Variants in RAB33A observed in about 807,000 individuals in gnomAD.
RAB33A encodes the protein RAB33A, member RAS oncogene family.
A neutral mutation model predicts 12.0 loss-of-function variants in RAB33A; 6 were observed. The observed-to-expected ratio is 0.50, with a 90% CI of 0.27 to 0.99. The LOEUF (loss-of-function observed/expected upper bound fraction) is 0.99, where lower values mean the gene tolerates loss of function less well. RAB33A is among the 50% of genes least tolerant of loss of function. The pLI is 0.11. For missense variants in RAB33A, 109 were observed against 192.0 expected (o/e 0.57, Z 2.55); for synonymous variants, 70 against 82.4 (o/e 0.85, Z 0.81).
the RAB33A span, among the ~76,000 whole-genome samples, chrX:130,145,843 T>C: frequency 4.5e-5 from 5 of 111,800 alleles, no homozygotes; most frequent in South Asian, 1.9e-3. Flanking sequence ...GCTACTCATA[T>C]CCAGTGGGTA....
chrX:130,160,705 A>G, the RAB33A span, among the ~76,000 whole-genome samples: 1 of 111,137 alleles, frequency 9.0e-6, no homozygotes, highest in Non-Finnish European at 1.9e-5. Flanking sequence ...GGCATGCACC[A>G]TCGTGCCCGG....
chrX:130,168,830 G>T (rs2031573280), upstream of RAB33A, among the ~76,000 whole-genome samples: 1 of 111,042 alleles, frequency 9.0e-6, no homozygotes, highest in Admixed American at 9.6e-5. Context: ...ATATGGTCAG[G>T]CTCTGTGGCT....
chrX:130,146,928 G>A, the RAB33A span, among the ~76,000 whole-genome samples: 4 of 112,324 alleles, frequency 3.6e-5, no homozygotes, highest in African/African-American at 6.5e-5. Flanking sequence ...TTGGGAGGCC[G>A]AGGAAGGCGG....
chrX:130,127,078 AAGTC>A, the RAB33A span, among the ~76,000 whole-genome samples: 3 of 111,218 alleles, frequency 2.7e-5, no homozygotes, highest in South Asian at 7.4e-4. Context: ...TCCATATTAA[AAGTC>A]AGGCGGAAAG....
chrX:130,141,079 G>A, the RAB33A span, among the ~76,000 whole-genome samples: 1 of 112,311 alleles, frequency 8.9e-6, no homozygotes, highest in African/African-American at 3.2e-5. Flanking sequence ...TCATGCCACT[G>A]CACTCCAGCC....
the RAB33A span, among the ~76,000 whole-genome samples, chrX:130,151,646 T>G: frequency 8.9e-6 from 1 of 112,443 alleles, no homozygotes; most frequent in Non-Finnish European, 1.9e-5. Context: ...ATCGAATAAA[T>G]GAATTCAATT....
the RAB33A span, chrX:130,147,416 C>T: frequency 8.5e-7 from 1 of 1,170,159 alleles, no homozygotes; most frequent in Non-Finnish European, 1.2e-6. Context: ...TTACTGTACA[C>T]AGTCAGTGGC....
chrX:130,183,794 A>G (rs1027931490), intron 1 of RAB33A, among the ~76,000 whole-genome samples: 1 of 112,363 alleles, frequency 8.9e-6, no homozygotes, highest in Non-Finnish European at 1.9e-5. Flanking sequence ...AACAATCTTA[A>G]GAAAAACTTG....
chrX:130,130,850 A>C, the RAB33A span, among the ~76,000 whole-genome samples: 1 of 112,289 alleles, frequency 8.9e-6, no homozygotes, highest in Admixed American at 9.5e-5. Context: ...GCTGAGAACC[A>C]CCAGCCTCCA....
the RAB33A span, among the ~76,000 whole-genome samples, chrX:130,128,907 A>C: frequency 1.8e-5 from 2 of 112,304 alleles, no homozygotes; most frequent in African/African-American, 6.5e-5. Flanking sequence ...TGTTCCAGGT[A>C]AACAAAGTCT....
At chrX:130,133,985 G>A in the RAB33A span, among the ~76,000 whole-genome samples, 5 of 110,604 alleles carry the variant, frequency 4.5e-5, no homozygotes, top group Non-Finnish European at 7.6e-5. Flanking sequence ...GCAAATGCCC[G>A]TAATCCCAGC....
chrX:130,155,317 C>T, the RAB33A span: 1 of 1,196,766 alleles, frequency 8.4e-7, no homozygotes. Flanking sequence ...AAGAGAGAAA[C>T]AAAAGGAAAC....
At chrX:130,169,920 A>G (rs752133756), upstream of RAB33A, among the ~76,000 whole-genome samples, 27 of 112,408 alleles carry the variant, frequency 2.4e-4, no homozygotes, top group South Asian at 8.5e-3. Flanking sequence ...AAAGATCATC[A>G]GGGGCATTAA....
At chrX:130,134,784 A>T in the RAB33A span, among the ~76,000 whole-genome samples, 1 of 111,889 alleles carries the variant, frequency 8.9e-6, no homozygotes, top group Admixed American at 9.5e-5. Context: ...CCCCAAAGCA[A>T]CCTAAAAATC....
Position 130,174,519 on chromosome X carries a change from G to T in RAB33A, c.258+2199G>T, listed in dbSNP as rs146307193. Among the ~76,000 whole-genome samples the T allele has an allele frequency of 1.2e-4, 13 of 112,463 alleles. No homozygotes were observed. The East Asian group carries it at 3.6e-3, about 31-fold the overall frequency. ...TCTAGATAAGAGAAGATTTGGCCTC[G>T]CACTCTGGCTAGCCTGAAGTTGTTC... On this transcript the variant is annotated intron_variant, in intron 1 of 1. Coordinates refer to ENST00000257017, the MANE Select transcript of RAB33A (RefSeq NM_004794.3).
At chrX:130,137,385 C>G in the RAB33A span, 1 of 1,155,761 alleles carries the variant, frequency 8.7e-7, no homozygotes. Flanking sequence ...CAACAGGTAT[C>G]AGAACTGCTG....
At chrX:130,120,586 G>A in the RAB33A span, among the ~76,000 whole-genome samples, 4 of 112,326 alleles carry the variant, frequency 3.6e-5, no homozygotes, top group Non-Finnish European at 7.5e-5. Flanking sequence ...GGAGCCGCCC[G>A]GGGCTCTGTG....
the RAB33A span, among the ~76,000 whole-genome samples, chrX:130,140,061 G>C: frequency 1.4e-3 from 162 of 112,310 alleles, no homozygotes; most frequent in South Asian, 3.0e-3. Context: ...CCTTTGAGAA[G>C]CAGATTTGAG....
the RAB33A span, among the ~76,000 whole-genome samples, chrX:130,143,130 T>C: frequency 9.0e-6 from 1 of 111,552 alleles, no homozygotes; most frequent in African/African-American, 3.3e-5. Flanking sequence ...CCCAGGGCTC[T>C]ATCCTTGCCT....
Sources: gnomAD v4.1 joint callset for allele counts (sites outside exome capture counted in the v4.1 genomes callset) on GRCh38, gnomAD v4.1.1 for gene constraint, MANE v1.5 for transcripts, NCBI Gene and HGNC (gene_info 2026-07-23, HGNC 2026-07-21) for gene names.